KDM2B: variants seen among roughly 807,000 people sequenced by gnomAD.
The protein encoded by KDM2B is lysine-specific demethylase 2B.
KDM2B carries 26 observed loss-of-function variants against 150.0 expected under a neutral mutation model. That is an observed-to-expected ratio of 0.17 (90% CI 0.13 to 0.24). KDM2B has a LOEUF of 0.24. Ranked by LOEUF, KDM2B falls within the 10% of genes least tolerant of loss-of-function variation. The pLI, the probability that KDM2B is intolerant of heterozygous loss-of-function variation, is 1.00. For synonymous variants in KDM2B, 734 were observed against 729.5 expected (o/e 1.01, Z -0.10); for missense variants, 1,265 against 1,816.9 (o/e 0.70, Z 5.52).
upstream of KDM2B, chr12:121,581,115 C>T (rs1891941304): frequency 1.7e-6 from 1 of 589,238 alleles, no homozygotes; most frequent in Non-Finnish European, 2.7e-6. Context: ...TCTGTGGACT[C>T]CTTTACTAGG....
At chr12:121,579,517 CAAG>C in intron 1 of KDM2B, 4 of 922,998 alleles carry the variant, frequency 4.3e-6, no homozygotes, top group Non-Finnish European at 6.1e-6. Context: ...CCCGCCAGTG[CAAG>C]AAGAGGAGGT....
chr12:121,551,111 AT>A (rs1218540862), intron 4 of KDM2B, among the ~76,000 whole-genome samples: 3 of 152,132 alleles, frequency 2.0e-5, no homozygotes, highest in African/African-American at 7.2e-5. Context: ...CAGAACTCTC[AT>A]GGAACTTAGA....
At position 121,442,379 on chromosome 12, in the gene KDM2B, C is replaced by G. The variant is rs1021485098; in HGVS notation, c.3062G>C (p.Arg1021Pro). The change falls in exon 19 of 23, where the codon CGT (arginine) becomes CCT (proline). Residue 1021 changes from arginine to proline, a missense_variant. By Grantham distance (103) the Arg-to-Pro change is moderately radical. Coordinates refer to ENST00000377071, the MANE Select transcript of KDM2B (RefSeq NM_032590.5). The surrounding 1 kb of genome is among the most constrained non-coding windows in gnomAD (Gnocchi z 7.7). Reference protein sequence around the residue: ...QLGPSLRSPPRVISRPPPSVS... With the variant: ...QLGPSLRSPPPVISRPPPSVS... ...GGAGGGTGGGGGCCGGGAGATGACA[C>G]GGGGCGGGCTGCGCAGGCTGGGCCC... The G allele has an allele frequency of 1.3e-6, 2 of 1,503,724 alleles. No individual in the cohort carries two copies. The highest frequency in any genetic ancestry group is 9.0e-7 in the Non-Finnish European group (1 of 1,113,740). The allele number at this position is 1,503,724 out of a possible 1,614,324, so 93.1% of individuals were successfully genotyped here.
intron 12 of KDM2B, among the ~76,000 whole-genome samples, chr12:121,460,226 G>C (rs1878908707): frequency 6.6e-6 from 1 of 152,196 alleles, no homozygotes; most frequent in Non-Finnish European, 1.5e-5. Context: ...AGTAAAATGT[G>C]TCCCCTAGTC....
intron 12 of KDM2B, among the ~76,000 whole-genome samples, chr12:121,483,129 C>T (rs781932717): frequency 5.9e-5 from 9 of 151,840 alleles, no homozygotes; most frequent in Non-Finnish European, 8.8e-5. Flanking sequence ...CGCCACTGCA[C>T]TCCAGCCTGG....
At chr12:121,454,265 G>A (rs1476183835) in intron 12 of KDM2B, among the ~76,000 whole-genome samples, 3 of 152,212 alleles carry the variant, frequency 2.0e-5, no homozygotes, top group Non-Finnish European at 4.4e-5. Flanking sequence ...CTGGCATGCA[G>A]AATGCACTCA....
Position 121,549,775 on chromosome 12 carries a change from A to C in KDM2B, c.398-137T>G. 2.8e-6 allele frequency: 2 copies of C among 707,244 alleles called. No homozygotes were observed. The highest frequency in any genetic ancestry group is 2.2e-6 in the Non-Finnish European group (1 of 458,932). The allele number at this position is 707,244 out of a possible 1,614,324, so 43.8% of individuals were successfully genotyped here. ...ACCCCTCTTCCTCATCTGTTCAATT[A>C]CCTCACCCCATCGGCTTTCCTTCTG... On this transcript the variant is annotated intron_variant, in intron 4 of 22. Transcript: ENST00000377071. The surrounding 1 kb of genome is among the most constrained non-coding windows in gnomAD (Gnocchi z 4.4).
intron 12 of KDM2B, among the ~76,000 whole-genome samples, chr12:121,471,222 C>G (rs2139657210): frequency 1.3e-5 from 2 of 152,268 alleles, no homozygotes; most frequent in Admixed American, 1.3e-4. Flanking sequence ...TCTAGCGACC[C>G]TAAAAACTGA....
At chr12:121,419,171 GTGTTTAGATA>G in the KDM2B span, among the ~76,000 whole-genome samples, 1 of 151,990 alleles carries the variant, frequency 6.6e-6, no homozygotes, top group African/African-American at 2.4e-5. Flanking sequence ...TACCTTTTTT[GTGTTTAGATA>G]TGTTTAGATA....
the KDM2B span, chr12:121,417,436 C>A: frequency 7.3e-7 from 1 of 1,376,086 alleles, no homozygotes; most frequent in Non-Finnish European, 9.9e-7. The surrounding 1 kb of genome is among the most constrained non-coding windows in gnomAD (Gnocchi z 5.0). Context: ...TAGTAGAAGG[C>A]AGAAAGAAAA....
rs536405714 is a variant in KDM2B at position 121,444,465 on chromosome 12, G to A, written c.2175C>T (p.Ala725=). ...NCWECPKCNH[A]GKTGKQKRGP... is the part of the protein sequence containing the mutation. The stretch of plus-strand genomic sequence containing the variant: ...CGGCACTCACTTTCCCGGTCTTGCC[G>A]GCGTGGTTACACTTCGGACACTCCC... The change falls in exon 15 of 23, where the codon GCC becomes GCT. Residue 725 remains alanine (A), a synonymous_variant. Transcript: ENST00000377071. The A allele has an allele frequency of 4.0e-5, 65 of 1,614,084 alleles. 2 individuals carry two copies. In the South Asian group the frequency reaches 4.5e-4, roughly 11 times the overall value.
Position 121,520,092 on chromosome 12 carries a change from T to C in KDM2B, c.1047+893A>G, listed in dbSNP as rs879977539. On this transcript the variant is annotated intron_variant, in intron 9 of 22. Transcript: ENST00000377071. This position sits in a 1 kb window ranked among gnomAD's most constrained non-coding sequence, Gnocchi z 4.5. ...TTTTGGTAAAGACAGGGTTTCATCATGTTGGCCTGGCTGGTCTCGAACTCC... is the reference window on the plus strand; with the variant it reads ...TTTTGGTAAAGACAGGGTTTCATCACGTTGGCCTGGCTGGTCTCGAACTCC... 6.6e-6 allele frequency among the ~76,000 whole-genome samples: 1 copy of C among 152,150 alleles called. No individual in the cohort carries two copies. The highest frequency in any genetic ancestry group is 1.5e-5 in the Non-Finnish European group (1 of 68,020).
chr12:121,571,899 C>T (rs529269153), intron 4 of KDM2B, among the ~76,000 whole-genome samples: 11 of 152,206 alleles, frequency 7.2e-5, no homozygotes, highest in East Asian at 5.8e-4. Context: ...GATTCGCCCG[C>T]GTCGGCCTCC....
At chr12:121,530,925 T>G (rs1002962517) in intron 8 of KDM2B, among the ~76,000 whole-genome samples, 11 of 152,008 alleles carry the variant, frequency 7.2e-5, no homozygotes, top group Non-Finnish European at 1.5e-4. Context: ...GGTCCCAGAG[T>G]TCAGCTCCAC....
chr12:121,459,403 C>T (rs1453287230), intron 12 of KDM2B, among the ~76,000 whole-genome samples: 1 of 152,174 alleles, frequency 6.6e-6, no homozygotes, highest in Non-Finnish European at 1.5e-5. Context: ...GACCTAAACA[C>T]ACAGCTAAAA....
At chr12:121,443,957 C>T (rs1875661511) in intron 16 of KDM2B, 55 bp downstream of exon 16, 6 of 1,558,512 alleles carry the variant, frequency 3.8e-6, no homozygotes, top group Non-Finnish European at 5.2e-6. Flanking sequence ...TCCAACCCAG[C>T]ACCCGGGACC....
At position 121,575,917 on chromosome 12, in the gene KDM2B, G is replaced by A. The variant is rs1453810954; in HGVS notation, c.272-58C>T. 46 of 1,314,250 alleles carry A rather than the reference G, an allele frequency of 3.5e-5. No individual in the cohort carries two copies. Among genetic ancestry groups the A allele is most frequent in the Non-Finnish European group, 4.4e-5 (40 of 907,930 alleles). The allele number at this position is 1,314,250 out of a possible 1,614,324, so 81.4% of individuals were successfully genotyped here. A position where few individuals can be genotyped will look rare whatever the true frequency, so the allele number is the denominator to read the frequency against. ...TAAGTCACGAAGGAGCAAATGAACC[G>A]GGATCTGTTGGTTAGGGGAAGAAAA... On this transcript the variant is annotated intron_variant, in intron 2 of 22. Coordinates refer to ENST00000377071, the MANE Select transcript of KDM2B (RefSeq NM_032590.5). This position sits in a 1 kb window ranked among gnomAD's most constrained non-coding sequence, Gnocchi z 4.4.
At chr12:121,552,046 C>T (rs1201869101) in intron 4 of KDM2B, among the ~76,000 whole-genome samples, 1 of 152,120 alleles carries the variant, frequency 6.6e-6, no homozygotes, top group Non-Finnish European at 1.5e-5. Context: ...AGACCAAGGC[C>T]CAGAGACACA....
At chr12:121,460,907 A>G (rs561504349) in intron 12 of KDM2B, among the ~76,000 whole-genome samples, 10 of 152,300 alleles carry the variant, frequency 6.6e-5, no homozygotes, top group Admixed American at 1.3e-4. Flanking sequence ...TCAATAATCT[A>G]TGAGGAAGGA....
Sources: allele counts gnomAD v4.1 joint callset (sites outside exome capture counted in the v4.1 genomes callset), GRCh38; gene constraint gnomAD v4.1.1; non-coding constraint Gnocchi (gnomAD v3.1); transcripts MANE v1.5; gene names NCBI Gene and HGNC (gene_info 2026-07-23, HGNC 2026-07-21).